The following PRKD1 variants were observed in gnomAD, a reference collection of about 807,000 sequenced individuals.
PRKD1 encodes serine/threonine-protein kinase D1.
Under a neutral mutation model 95.9 loss-of-function variants are expected in PRKD1, and 63 were observed. The observed-to-expected ratio is 0.66, with a 90% CI of 0.54 to 0.81. PRKD1 has a LOEUF of 0.81. PRKD1 is among the 30% of genes least tolerant of loss of function. PRKD1 has a pLI of 0.00. For missense variants in PRKD1, 1,048 were observed against 1,165.3 expected, an observed-to-expected ratio of 0.90 and a Z score of 1.47; for synonymous variants, 425 against 423.1, an observed-to-expected ratio of 1.00 and a Z score of -0.05.
chr14:29,695,913 T>G (rs540753789), intron 2 of PRKD1, among the ~76,000 whole-genome samples: 1 of 152,292 alleles, frequency 6.6e-6, no homozygotes, highest in Non-Finnish European at 1.5e-5. Flanking sequence ...GTTGATAGCA[T>G]TTTACAATAA....
intron 16 of PRKD1, among the ~76,000 whole-genome samples, chr14:29,589,886 A>T (rs561456848): frequency 6.6e-6 from 1 of 152,282 alleles, no homozygotes; most frequent in East Asian, 1.9e-4. Context: ...GAGACTACCT[A>T]TTTTAAATAT....
At chr14:29,884,853 T>G (rs1893639321) in intron 1 of PRKD1, among the ~76,000 whole-genome samples, 1 of 152,204 alleles carries the variant, frequency 6.6e-6, no homozygotes, top group South Asian at 2.1e-4. Flanking sequence ...CTGGGCGCAG[T>G]GGCTCACGCC....
At chr14:29,694,545 G>A (rs940004055) in intron 2 of PRKD1, among the ~76,000 whole-genome samples, 11 of 152,238 alleles carry the variant, frequency 7.2e-5, no homozygotes, top group Non-Finnish European at 1.5e-4. Flanking sequence ...AGATAAGGCA[G>A]TGAAAAATAA....
chr14:29,685,734 CTGTG>C (rs5807548), intron 2 of PRKD1, among the ~76,000 whole-genome samples: 1 of 149,288 alleles, frequency 6.7e-6, no homozygotes. Flanking sequence ...TTATCCTCAT[CTGTG>C]TGTGTGTGTG....
intron 1 of PRKD1, among the ~76,000 whole-genome samples, chr14:29,776,959 T>C (rs1441285084): frequency 6.6e-6 from 1 of 152,196 alleles, no homozygotes; most frequent in Non-Finnish European, 1.5e-5. Flanking sequence ...GCAGAAACCC[T>C]ACAAGCCAGA....
rs1895340534 is a variant in PRKD1 at position 29,927,318 on chromosome 14, C to G, written c.195G>C (p.Leu65=). 1 of 1,559,648 alleles carries G rather than the reference C, an allele frequency of 6.4e-7. No homozygotes were observed. ...IGLSREPVLL[L]QDSSGDYSLA... ...GGCTGTAGTCCCCGGACGAGTCCTGCAGCAGCAGCACCGGCTCACGGCTCA... is the reference window on the plus strand; with the variant it reads ...GGCTGTAGTCCCCGGACGAGTCCTGGAGCAGCAGCACCGGCTCACGGCTCA... The change falls in exon 1 of 18, where the codon CTG becomes CTC. Residue 65 remains leucine, a synonymous_variant. Coordinates refer to ENST00000331968, the MANE Select transcript of PRKD1 (RefSeq NM_002742.3).
chr14:29,927,423 C>A lies in PRKD1; in HGVS notation c.90G>T (p.Gly30=). 6.9e-7 allele frequency: 1 copy of A among 1,447,746 alleles called. No homozygotes were observed. Among genetic ancestry groups the A allele is most frequent in the Non-Finnish European group, 9.1e-7 (1 of 1,098,904 alleles). The allele number at this position is 1,447,746 out of a possible 1,614,324, so 89.7% of individuals were successfully genotyped here. A position where few individuals can be genotyped will look rare whatever the true frequency, so the allele number is the denominator to read the frequency against. ...AAAAAAALVP[G]SGPGPAPFLA... is the part of the protein sequence containing the mutation. ...AGAACGGCGCGGGCCCGGGCCCGGACCCTGGGACCAGTGCGGCGGCCGCTG... is the reference window on the plus strand; with the variant it reads ...AGAACGGCGCGGGCCCGGGCCCGGAACCTGGGACCAGTGCGGCGGCCGCTG... The change falls in exon 1 of 18, where the codon GGG becomes GGT. Residue 30 remains glycine, a synonymous_variant. Coordinates refer to ENST00000331968, the MANE Select transcript of PRKD1 (RefSeq NM_002742.3).
intron 2 of PRKD1, among the ~76,000 whole-genome samples, chr14:29,699,296 T>C (rs1884703721): frequency 6.6e-6 from 1 of 152,222 alleles, no homozygotes; most frequent in Non-Finnish European, 1.5e-5. Context: ...TGAGGCTGCA[T>C]ATTTCCCTGT....
chr14:29,893,687 A>G (rs551332144), intron 1 of PRKD1, among the ~76,000 whole-genome samples: 1 of 152,226 alleles, frequency 6.6e-6, no homozygotes, highest in African/African-American at 2.4e-5. Flanking sequence ...GTCTTCCATA[A>G]TATCGCTAGC....
At chr14:29,862,378 G>A (rs1892741125) in intron 1 of PRKD1, among the ~76,000 whole-genome samples, 1 of 152,134 alleles carries the variant, frequency 6.6e-6, no homozygotes, top group Non-Finnish European at 1.5e-5. Flanking sequence ...GGGGAGGGGG[G>A]TGGTATTTCT....
chr14:29,795,787 C>T (rs905074083), intron 1 of PRKD1, among the ~76,000 whole-genome samples: 2 of 151,834 alleles, frequency 1.3e-5, no homozygotes, highest in Non-Finnish European at 2.9e-5. Context: ...ATTTTCATGC[C>T]CAAAAATATA....
chr14:29,841,850 C>T (rs1891861186), intron 1 of PRKD1, among the ~76,000 whole-genome samples: 1 of 151,852 alleles, frequency 6.6e-6, no homozygotes, highest in Non-Finnish European at 1.5e-5. Context: ...TGTAATAACA[C>T]TTACATGAAA....
chr14:29,797,056 G>C (rs1349339373), intron 1 of PRKD1, among the ~76,000 whole-genome samples: 1 of 152,064 alleles, frequency 6.6e-6, no homozygotes, highest in Non-Finnish European at 1.5e-5. Flanking sequence ...TGATGACTAA[G>C]GCTAAATGGA....
At chr14:29,872,627 G>T (rs1893149139) in intron 1 of PRKD1, among the ~76,000 whole-genome samples, 1 of 148,390 alleles carries the variant, frequency 6.7e-6, no homozygotes, top group Non-Finnish European at 1.5e-5. Flanking sequence ...CTGCACTCCA[G>T]CCTGGGCAAC....
chr14:29,809,197 A>G (rs1354689936), intron 1 of PRKD1, among the ~76,000 whole-genome samples: 1 of 152,266 alleles, frequency 6.6e-6, no homozygotes, highest in East Asian at 1.9e-4. Flanking sequence ...ACCATGCTGC[A>G]AACAGATGTG....
At chr14:29,846,198 A>C (rs1297924094) in intron 1 of PRKD1, among the ~76,000 whole-genome samples, 2 of 152,222 alleles carry the variant, frequency 1.3e-5, no homozygotes, top group East Asian at 3.8e-4. Flanking sequence ...GGTATAAACA[A>C]GAAAAATCCC....
At chr14:29,692,207 T>C (rs1884277319) in intron 2 of PRKD1, among the ~76,000 whole-genome samples, 1 of 111,800 alleles carries the variant, frequency 8.9e-6, no homozygotes, top group Admixed American at 8.3e-5. Context: ...AAACTTCCTG[T>C]TCATTTTTTT....
intron 1 of PRKD1, among the ~76,000 whole-genome samples, chr14:29,881,837 C>T (rs1301997419): frequency 1.3e-5 from 2 of 152,094 alleles, no homozygotes; most frequent in Non-Finnish European, 2.9e-5. Flanking sequence ...CATCCTTTAC[C>T]TTTCCCTCCC....
chr14:29,690,075 C>A lies in PRKD1; in HGVS notation c.404-23867G>T, dbSNP rs564642905. Among the ~76,000 whole-genome samples, 12 of 152,246 alleles carry A rather than the reference C, an allele frequency of 7.9e-5. 1 individual carries two copies. The Middle Eastern group carries it at 0.01, about 129-fold the overall frequency. ...GCAAATCACCATGGCACGTGTTTAC[C>A]TATGTAACAAACCTGCACATGCTGC... On this transcript the variant is annotated intron_variant, in intron 2 of 17. Coordinates refer to ENST00000331968, the MANE Select transcript of PRKD1 (RefSeq NM_002742.3).
Sources: gnomAD v4.1 joint callset for allele counts (sites outside exome capture counted in the v4.1 genomes callset) on GRCh38, gnomAD v4.1.1 for gene constraint, MANE v1.5 for transcripts, NCBI Gene and HGNC (gene_info 2026-07-23, HGNC 2026-07-21) for gene names.